DBT: variants seen among roughly 807,000 people sequenced by gnomAD.
DBT encodes dihydrolipoamide branched chain transacylase E2, also known as lipoamide acyltransferase component of branched-chain alpha-keto acid dehydrogenase complex, mitochondrial.
A neutral mutation model predicts 51.3 loss-of-function variants in DBT; 40 were observed. The ratio of observed to expected loss-of-function variants is 0.78; its 90% CI spans 0.61 to 1.02. DBT has a LOEUF of 1.02. DBT is among the 50% of genes least tolerant of loss of function. The pLI, the probability that DBT is intolerant of heterozygous loss-of-function variation, is 0.00. For synonymous variants in DBT, 181 were observed against 190.4 expected (o/e 0.95, Z 0.41); for missense variants, 510 against 580.2 (o/e 0.88, Z 1.24).
In DBT at chr1:100,189,083, GTAA is replaced by G. The variant is rs1349663677; in HGVS notation, c.*7169_*7171del. The G allele has an allele frequency of 6.6e-6, 1 of 152,244 alleles. No homozygotes were observed. The highest frequency in any genetic ancestry group is 6.5e-5 in the Admixed American group (1 of 15,274). 9.4% of individuals were successfully genotyped at this position (152,244 alleles called of 1,614,324 possible). On this transcript the variant is annotated 3_prime_UTR_variant, in exon 11 of 11. Coordinates refer to ENST00000370132, the MANE Select transcript of DBT (RefSeq NM_001918.5). ...AGGCCAGGCACCGTGGCTCATGCCT[GTAA>G]TCCCAAAGCTTTGTGAGGTGGAGGC...
chr1:100,227,288 T>C (rs1250630484), intron 4 of DBT, among the ~76,000 whole-genome samples: 1 of 152,130 alleles, frequency 6.6e-6, no homozygotes, highest in East Asian at 1.9e-4. Context: ...GCTGGAAAAA[T>C]TACTATCAGC....
At chr1:100,202,068 A>G (rs1019389358) in intron 10 of DBT, among the ~76,000 whole-genome samples, 2 of 152,222 alleles carry the variant, frequency 1.3e-5, no homozygotes, top group Admixed American at 1.3e-4. Context: ...TTAACTTCAA[A>G]TGTAAATGGG....
intron 7 of DBT, 47 bp downstream of exon 7, chr1:100,214,770 C>A: frequency 6.3e-7 from 1 of 1,594,944 alleles, no homozygotes; most frequent in South Asian, 1.1e-5. Context: ...GACAAACAAA[C>A]AAATAAATGT....
chr1:100,187,379 TCC>T lies in DBT; in HGVS notation c.*8874_*8875del, dbSNP rs1359074816. 2 of 152,246 alleles carry T rather than the reference TCC, an allele frequency of 1.3e-5. No individual in the cohort carries two copies. Among genetic ancestry groups the T allele is most frequent in the East Asian group, 3.8e-4 (2 of 5,204 alleles). The allele number at this position is 152,246 out of a possible 1,614,324, so 9.4% of individuals were successfully genotyped here. A position where few individuals can be genotyped will look rare whatever the true frequency, so the allele number is the denominator to read the frequency against. On this transcript the variant is annotated 3_prime_UTR_variant, in exon 11 of 11. Transcript: ENST00000370132. ...ATAGCAAATTAAAAAGATATGCTCATCCCACTTTTATTTTTATGCACTACTTT... is the reference window on the plus strand; with the variant it reads ...ATAGCAAATTAAAAAGATATGCTCATCACTTTTATTTTTATGCACTACTTT...
rs185924661 is a variant in DBT at position 100,188,148 on chromosome 1, C to A, written c.*8107G>T. 3 of 152,284 alleles carry A rather than the reference C, an allele frequency of 2.0e-5. No homozygotes were observed. The highest frequency in any genetic ancestry group is 3.9e-4 in the East Asian group (2 of 5,194). 9.4% of individuals were successfully genotyped at this position (152,284 alleles called of 1,614,324 possible). On this transcript the variant is annotated 3_prime_UTR_variant, in exon 11 of 11. Coordinates refer to ENST00000370132, the MANE Select transcript of DBT (RefSeq NM_001918.5). ...CCAGGTTCTTGTGCAATTTGTGAAA[C>A]CTTTGGTTTGCAGAGTTGTTAGCGT...
chr1:100,225,052 T>TACACACACAC (rs71084808), intron 4 of DBT, among the ~76,000 whole-genome samples: 13 of 79,046 alleles, frequency 1.6e-4, no homozygotes, highest in East Asian at 8.1e-4. Flanking sequence ...AATATATATA[T>TACACACACAC]ACACACACAC....
chr1:100,209,099 T>TTTTC (rs1491526625), intron 8 of DBT, among the ~76,000 whole-genome samples: 5 of 5,808 alleles, frequency 8.6e-4, no homozygotes, highest in South Asian at 0.013. Context: ...TTTTCTTTTC[T>TTTTC]TTTTTTTTTT....
Position 100,191,522 on chromosome 1 carries a change from A to G in DBT, c.*4733T>C, listed in dbSNP as rs1376260502. ...GGATGGGGTGGGAAGGCAATGCCTT[A>G]CTTTACATAGTTAACTTCCTTTTTA... On this transcript the variant is annotated 3_prime_UTR_variant, in exon 11 of 11. Coordinates refer to ENST00000370132, the MANE Select transcript of DBT (RefSeq NM_001918.5). 3.9e-5 allele frequency: 6 copies of G among 152,136 alleles called. No homozygotes were observed. Among genetic ancestry groups the G allele is most frequent in the African/African-American group, 1.4e-4 (6 of 41,414 alleles). The allele number at this position is 152,136 out of a possible 1,614,324, so 9.4% of individuals were successfully genotyped here. A position where few individuals can be genotyped will look rare whatever the true frequency, so the allele number is the denominator to read the frequency against.
Position 100,188,341 on chromosome 1 carries a change from C to T in DBT, c.*7914G>A, listed in dbSNP as rs1660665468. ...CAGTTTGAACTCCAGCTACATTTTT[C>T]TAAGAAATTAAATTGCTAGGTTTTT... On this transcript the variant is annotated 3_prime_UTR_variant, in exon 11 of 11. Coordinates refer to ENST00000370132, the MANE Select transcript of DBT (RefSeq NM_001918.5). 6.6e-6 allele frequency: 1 copy of T among 152,218 alleles called. No homozygotes were observed. The highest frequency in any genetic ancestry group is 2.1e-4 in the South Asian group (1 of 4,834). The allele number at this position is 152,218 out of a possible 1,614,324, so 9.4% of individuals were successfully genotyped here.
intron 2 of DBT, among the ~76,000 whole-genome samples, chr1:100,238,242 A>T (rs149216161): frequency 5.5e-5 from 5 of 91,260 alleles, no homozygotes; most frequent in Admixed American, 1.3e-4. Context: ...TCCTTCCCTC[A>T]CTTCCTTTCC....
At chr1:100,220,269 C>CA (rs34088406) in intron 4 of DBT, among the ~76,000 whole-genome samples, 21 of 149,732 alleles carry the variant, frequency 1.4e-4, no homozygotes, top group South Asian at 4.2e-4. Flanking sequence ...TTTCTGCAAG[C>CA]AAAAAAAAAA....
At chr1:100,197,640 G>A (rs1661194777) in intron 10 of DBT, among the ~76,000 whole-genome samples, 1 of 152,156 alleles carries the variant, frequency 6.6e-6, no homozygotes, top group African/African-American at 2.4e-5. Context: ...ACATTAGGAG[G>A]TATGGGTAAA....
chr1:100,205,499 G>T lies in DBT; in HGVS notation c.1281+731C>A, dbSNP rs138077419. On this transcript the variant is annotated intron_variant, in intron 10 of 10. Coordinates refer to ENST00000370132, the MANE Select transcript of DBT (RefSeq NM_001918.5). ...AGATAGAAACGCTTTTACACTGTTG[G>T]TGGGAGTGTAAATGAGTTCAACCAT... Among the ~76,000 whole-genome samples, 1,431 of 152,292 alleles carry T rather than the reference G, an allele frequency of 9.4e-3. 25 individuals are homozygous for T. The highest frequency in any genetic ancestry group is 0.033 in the African/African-American group (1,375 of 41,544).
intron 10 of DBT, among the ~76,000 whole-genome samples, chr1:100,203,764 G>A (rs191272788): frequency 3.7e-4 from 57 of 152,142 alleles, no homozygotes; most frequent in African/African-American, 1.2e-3. Flanking sequence ...CAATCAAGTC[G>A]GCTTCATCCC....
chr1:100,219,586 T>C (rs1196205847), intron 4 of DBT, among the ~76,000 whole-genome samples: 1 of 151,688 alleles, frequency 6.6e-6, no homozygotes, highest in Non-Finnish European at 1.5e-5. Context: ...TCTCTACAAG[T>C]GAATTTTAAA....
intron 10 of DBT, among the ~76,000 whole-genome samples, chr1:100,202,132 C>T (rs189784836): frequency 6.6e-6 from 1 of 152,032 alleles, no homozygotes; most frequent in Non-Finnish European, 1.5e-5. Flanking sequence ...AGAGTCAAGA[C>T]CCATCAATGT....
Position 100,194,051 on chromosome 1 carries a change from T to C in DBT, c.*2204A>G, listed in dbSNP as rs528227799. ...AAAAAAGAATAGCCATACATACAGATAGATACATCAAAATGTTAATAGTGG... is the reference window on the plus strand; with the variant it reads ...AAAAAAGAATAGCCATACATACAGACAGATACATCAAAATGTTAATAGTGG... On this transcript the variant is annotated 3_prime_UTR_variant, in exon 11 of 11. Transcript: ENST00000370132. The C allele has an allele frequency of 1.3e-5, 2 of 152,372 alleles. No individual in the cohort carries two copies. Among genetic ancestry groups the C allele is most frequent in the African/African-American group, 4.8e-5 (2 of 41,606 alleles). The allele number at this position is 152,372 out of a possible 1,614,324, so 9.4% of individuals were successfully genotyped here.
Position 100,196,161 on chromosome 1 carries a change from A to T in DBT, c.*94T>A. On this transcript the variant is annotated 3_prime_UTR_variant, in exon 11 of 11. Coordinates refer to ENST00000370132, the MANE Select transcript of DBT (RefSeq NM_001918.5). ...CTTAATCATACGATACAAATCATTT[A>T]CAATATAAATTGTAAAGATGAACAT... is the stretch of plus-strand genomic sequence containing the variant. The T allele has an allele frequency of 9.3e-7, 1 of 1,075,532 alleles. No homozygotes were observed. The highest frequency in any genetic ancestry group is 1.4e-6 in the Non-Finnish European group (1 of 696,956). 66.6% of individuals were successfully genotyped at this position (1,075,532 alleles called of 1,614,324 possible). A position where few individuals can be genotyped will look rare whatever the true frequency, so the allele number is the denominator to read the frequency against.
chr1:100,206,477 CT>C lies in DBT; in HGVS notation c.1176del (p.Gly393GlufsTer20). ...ATGTTGGAAAGAGTAAATGTTCCTCCTGTAAGATCAGTGGTGCTGAGCTGAC... is the reference window on the plus strand; with the variant it reads ...ATGTTGGAAAGAGTAAATGTTCCTCCGTAAGATCAGTGGTGCTGAGCTGAC... Reference protein sequence around the residue: ...SVSQLSTTDLTGGTFTLSNIG... With the variant: ...SVSQLSTTDLXGGTFTLSNIG... On this transcript the variant is annotated frameshift_variant, in exon 9 of 11. Coordinates refer to ENST00000370132, the MANE Select transcript of DBT (RefSeq NM_001918.5). LOFTEE classifies it high-confidence loss of function. The C allele has an allele frequency of 6.2e-7, 1 of 1,613,806 alleles. No individual in the cohort carries two copies. Among genetic ancestry groups the C allele is most frequent in the Non-Finnish European group, 8.5e-7 (1 of 1,179,760 alleles).
Sources: gnomAD v4.1 joint callset for allele counts (sites outside exome capture counted in the v4.1 genomes callset) on GRCh38, gnomAD v4.1.1 for gene constraint, MANE v1.5 for transcripts, NCBI Gene and HGNC (gene_info 2026-07-23, HGNC 2026-07-21) for gene names.